ALS2: variants seen among roughly 807,000 people sequenced by gnomAD.
ALS2 encodes alsin Rho guanine nucleotide exchange factor ALS2.
A neutral mutation model predicts 203.4 loss-of-function variants in ALS2; 117 were observed. That is an observed-to-expected ratio of 0.58 (90% confidence interval 0.50 to 0.67). ALS2 has a LOEUF of 0.67. Ranked by LOEUF, ALS2 falls within the 30% of genes least tolerant of loss-of-function variation. ALS2 has a pLI of 0.00. For missense variants in ALS2, 1,715 were observed against 1,989.4 expected (o/e 0.86, Z 2.62); for synonymous variants, 718 against 725.9 (o/e 0.99, Z 0.17).
chr2:201,727,110 G>GCAT, intron 17 of ALS2, 102 bp downstream of exon 17: 2 of 1,122,058 alleles, frequency 1.8e-6, no homozygotes, highest in East Asian at 4.7e-5. Context: ...ACAGAACTGT[G>GCAT]CATCATTAGT....
At chr2:201,759,907 C>A (rs1693653616) in intron 4 of ALS2, 1 of 985,222 alleles carries the variant, frequency 1.0e-6, no homozygotes, top group South Asian at 4.7e-5. Context: ...GAGTAAAACA[C>A]AGAAATAATC....
At chr2:201,769,116 C>G (rs1168371980) in intron 1 of ALS2, among the ~76,000 whole-genome samples, 171 bp from the exon 2 acceptor site, 1 of 151,984 alleles carries the variant, frequency 6.6e-6, no homozygotes, top group Non-Finnish European at 1.5e-5. Context: ...ATAGGCTGAG[C>G]CTGCCCACTA....
chr2:201,753,433 C>A (rs1041152690), intron 6 of ALS2, among the ~76,000 whole-genome samples, 191 bp from the exon 7 acceptor site: 1 of 152,184 alleles, frequency 6.6e-6, no homozygotes, highest in Non-Finnish European at 1.5e-5. Context: ...TAACCTTTGT[C>A]TATCAATCAC....
At chr2:201,755,934 C>A (rs552737766) in intron 5 of ALS2, among the ~76,000 whole-genome samples, 5 of 152,188 alleles carry the variant, frequency 3.3e-5, no homozygotes, top group Non-Finnish European at 7.3e-5. Context: ...GTGATCATCA[C>A]TGCCTAATAT....
At chr2:201,705,322 T>TG (rs1177182492) in intron 30 of ALS2, 94 bp downstream of exon 30, 29 of 1,473,408 alleles carry the variant, frequency 2.0e-5, no homozygotes, top group Non-Finnish European at 2.7e-5. Flanking sequence ...GCTTGGGTAC[T>TG]GTTCTATCAA....
rs774398539 is a variant in ALS2, at chr2:201,733,349, A to G, written c.2507T>C (p.Leu836Ser). 4.3e-6 allele frequency: 7 copies of G among 1,613,760 alleles called. No homozygotes were observed. The East Asian group carries it at 1.3e-4, about 31-fold the overall frequency. ...NTQLMEILNT[L>S]FFLPIRRLHN... ...AAGTCGTCTGATTGGCAAGAAAAAC[A>G]AAGTATTCAGTATTTCCATCAACTG... Residue 836 changes from leucine to serine, a missense_variant, in exon 13 of 34, where the codon TTG becomes TCG. By Grantham distance (145) the Leu-to-Ser change is moderately radical. Around this residue, in one of 3 missense-constraint regions of ALS2, gnomAD observed 1,227 missense variants for 1,413.5 expected, o/e 0.87. Transcript: ENST00000264276.
intron 33 of ALS2, 64 bp from the exon 34 acceptor site, chr2:201,701,953 G>A (rs1417090433): frequency 6.9e-7 from 1 of 1,450,718 alleles, no homozygotes; most frequent in African/African-American, 1.4e-5. Flanking sequence ...AGAGAGCAAT[G>A]CATATGGGAC....
At chr2:201,717,397 C>T (rs1389907040) in intron 24 of ALS2, among the ~76,000 whole-genome samples, 1 of 148,706 alleles carries the variant, frequency 6.7e-6, no homozygotes, top group African/African-American at 2.5e-5. Context: ...ACCCGGGAGA[C>T]AGACACTGCA....
intron 12 of ALS2, among the ~76,000 whole-genome samples, chr2:201,734,842 T>C (rs1691781475): frequency 6.6e-6 from 1 of 152,198 alleles, no homozygotes; most frequent in Non-Finnish European, 1.5e-5. Flanking sequence ...TTATCTTTTC[T>C]TGGGAGTTTT....
intron 13 of ALS2, among the ~76,000 whole-genome samples, chr2:201,730,525 C>T (rs1443458485): frequency 6.6e-6 from 1 of 152,044 alleles, no homozygotes; most frequent in Non-Finnish European, 1.5e-5. Flanking sequence ...CAAATACTAT[C>T]AGTTGTTCTC....
At chr2:201,717,932 C>A in intron 24 of ALS2, 145 bp downstream of exon 24, 1 of 790,436 alleles carries the variant, frequency 1.3e-6, no homozygotes, top group Non-Finnish European at 1.9e-6. Flanking sequence ...GAGTGACACC[C>A]TGTCTCAAAA....
intron 1 of ALS2, among the ~76,000 whole-genome samples, chr2:201,779,614 T>C (rs906491702): frequency 6.6e-6 from 1 of 152,194 alleles, no homozygotes; most frequent in Non-Finnish European, 1.5e-5. Context: ...TAATATGTAT[T>C]GAATATTTAC....
chr2:201,706,719 GA>G lies in ALS2; in HGVS notation c.4580+126del. 4 of 926,890 alleles carry G rather than the reference GA, an allele frequency of 4.3e-6. No homozygotes were observed. In the South Asian group the frequency reaches 6.1e-5, roughly 14 times the overall value. 57.4% of individuals were successfully genotyped at this position (926,890 alleles called of 1,614,324 possible). On this transcript the variant is annotated intron_variant, in intron 29 of 33. Coordinates refer to ENST00000264276, the MANE Select transcript of ALS2 (RefSeq NM_020919.4). ...TATTAACTATCACTATTTTGTTAAAGAAGACATATGCAAAAAATAATTACAA... is the reference window on the plus strand; with the variant it reads ...TATTAACTATCACTATTTTGTTAAAGAGACATATGCAAAAAATAATTACAA...
rs1399409962 is a variant in ALS2 at position 201,749,774 on chromosome 2, T to C, written c.1753A>G (p.Ser585Gly). Residue 585 changes from serine (S) to glycine (G), a missense_variant, in exon 8 of 34, where the codon AGC becomes GGC. Ser to Gly is a moderately conservative substitution (Grantham distance 56). Coordinates refer to ENST00000264276, the MANE Select transcript of ALS2 (RefSeq NM_020919.4). ...TAKSQVYSWGSNTFGQLGHSD... is the reference protein window; with the variant it reads ...TAKSQVYSWGGNTFGQLGHSD... ...TGCCCAAGTTGACCAAAGGTATTGC[T>C]ACCCCATGAGTAAACCTATCAAAAA... 4 of 1,614,112 alleles carry C rather than the reference T, an allele frequency of 2.5e-6. No individual in the cohort carries two copies. Among genetic ancestry groups the C allele is most frequent in the Non-Finnish European group, 3.4e-6 (4 of 1,179,962 alleles).
intron 24 of ALS2, among the ~76,000 whole-genome samples, chr2:201,717,444 C>T (rs975475362): frequency 4.2e-5 from 6 of 144,492 alleles, no homozygotes; most frequent in African/African-American, 1.3e-4. Flanking sequence ...CCAGCCTGGA[C>T]GACAGACCAA....
chr2:201,713,360 G>T (rs1476616853), intron 25 of ALS2, among the ~76,000 whole-genome samples: 1 of 151,960 alleles, frequency 6.6e-6, no homozygotes, highest in Non-Finnish European at 1.5e-5. Flanking sequence ...GACCTCAGGT[G>T]ATCTGCCTGC....
chr2:201,723,112 C>T lies in ALS2; in HGVS notation c.3633G>A (p.Gly1211=), dbSNP rs779586020. The T allele has an allele frequency of 1.2e-6, 2 of 1,612,518 alleles. No homozygotes were observed. Among genetic ancestry groups the T allele is most frequent in the Admixed American group, 3.3e-5 (2 of 59,982 alleles). Residue 1211 remains glycine (G), a synonymous_variant, in exon 23 of 34, where the codon GGG becomes GGA. Transcript: ENST00000264276. ...NFHLNKMMGN[G]VLLSEDDTIY... is the part of the protein sequence containing the mutation. ...TAGTATCATCTTCGGAAAGCAAAAC[C>T]CCATTTCCCTACAAGAAGAAACAAG...
At position 201,719,408 on chromosome 2, in the gene ALS2, G is replaced by A. The variant is rs1055731239; in HGVS notation, c.3703-1198C>T. On this transcript the variant is annotated intron_variant, in intron 23 of 33. Transcript: ENST00000264276. ...GTTCGAGACCAGCCTGACCAACATGGTGAAGCCCCGTCTCTACTAAAAATA... is the reference window on the plus strand; with the variant it reads ...GTTCGAGACCAGCCTGACCAACATGATGAAGCCCCGTCTCTACTAAAAATA... Among the ~76,000 whole-genome samples, 6 of 152,268 alleles carry A rather than the reference G, an allele frequency of 3.9e-5. No homozygotes were observed. In the South Asian group the frequency reaches 6.2e-4, roughly 16 times the overall value.
At chr2:201,729,218 AAG>A in intron 13 of ALS2, 35 bp from the exon 14 acceptor site, 1 of 1,602,638 alleles carries the variant, frequency 6.2e-7, no homozygotes, top group Non-Finnish European at 8.5e-7. Context: ...AAAAAAAAAA[AAG>A]AACATAAAAC....
Sources: allele counts gnomAD v4.1 joint callset (sites outside exome capture counted in the v4.1 genomes callset), GRCh38; gene constraint gnomAD v4.1.1; regional missense constraint gnomAD v4.1.1; transcripts MANE v1.5; gene names NCBI Gene and HGNC (gene_info 2026-07-23, HGNC 2026-07-21).